EXOC6B: variants seen among roughly 807,000 people sequenced by gnomAD.
EXOC6B encodes exocyst complex component 6B.
EXOC6B carries 54 observed loss-of-function variants against 113.5 expected under a neutral mutation model. The observed-to-expected ratio is 0.48, with a 90% CI of 0.38 to 0.60. EXOC6B has a LOEUF of 0.60. Among genes scored for constraint, EXOC6B ranks in the 20% least tolerant of loss-of-function variants. The pLI is 0.00. For missense variants in EXOC6B, 797 were observed against 977.5 expected (o/e 0.82, Z 2.46); for synonymous variants, 357 against 339.0 (o/e 1.05, Z -0.58).
intron 20 of EXOC6B, chr2:72,289,142 A>G: frequency 4.1e-6 from 1 of 243,890 alleles, no homozygotes; most frequent in East Asian, 1.1e-4. Context: ...TACAAATAAA[A>G]TGGCTCATGG....
In EXOC6B at chr2:72,200,746, G is replaced by A. The variant is rs144392794; in HGVS notation, c.2197-16559C>T. 5.3e-5 allele frequency among the ~76,000 whole-genome samples: 8 copies of A among 152,256 alleles called. No individual in the cohort carries two copies. In the East Asian group the frequency reaches 1.5e-3, roughly 29 times the overall value. ...TATGATGCAATTTAATCAGCTAGAG[G>A]AGAACAAAAATCTTTGAGAATAGTA... On this transcript the variant is annotated intron_variant, in intron 20 of 21. Transcript: ENST00000272427.
intron 6 of EXOC6B, among the ~76,000 whole-genome samples, chr2:72,677,135 T>C (rs1676368666): frequency 6.6e-6 from 1 of 152,176 alleles, no homozygotes; most frequent in Non-Finnish European, 1.5e-5. Context: ...GATTCAGCCA[T>C]ACAGCCCAAA....
chr2:72,240,608 G>C (rs1328888756), intron 20 of EXOC6B, among the ~76,000 whole-genome samples: 1 of 152,174 alleles, frequency 6.6e-6, no homozygotes, highest in East Asian at 1.9e-4. Flanking sequence ...GGGTTCATTT[G>C]AGATGGACAA....
At position 72,202,241 on chromosome 2, in the gene EXOC6B, G is replaced by C. The variant is rs149843369; in HGVS notation, c.2197-18054C>G. Among the ~76,000 whole-genome samples the C allele has an allele frequency of 4.2e-3, 646 of 152,314 alleles. 4 individuals carry two copies. Among genetic ancestry groups the C allele is most frequent in the Middle Eastern group, 0.024 (7 of 294 alleles). ...GGATATGAGAGGAGACACAGTAAGT[G>C]AAAGCACTTGAAAACTTCATCTTGT... On this transcript the variant is annotated intron_variant, in intron 20 of 21. Transcript: ENST00000272427.
intron 20 of EXOC6B, among the ~76,000 whole-genome samples, chr2:72,189,860 C>CTTTCTTTT (rs1553462592): frequency 3.8e-4 from 33 of 87,212 alleles, no homozygotes; most frequent in African/African-American, 2.0e-3. Context: ...CCTTCTTCTT[C>CTTTCTTTT]TTTTTTTTTT....
intron 8 of EXOC6B, among the ~76,000 whole-genome samples, chr2:72,547,999 T>C (rs1703001933): frequency 6.6e-6 from 1 of 152,106 alleles, no homozygotes; most frequent in African/African-American, 2.4e-5. Flanking sequence ...CCATATAAAA[T>C]TTTTTAAATG....
chr2:72,257,811 G>T (rs1380164740), intron 20 of EXOC6B, among the ~76,000 whole-genome samples: 1 of 152,126 alleles, frequency 6.6e-6, no homozygotes, highest in African/African-American at 2.4e-5. Context: ...ACATAGCCAT[G>T]GGACAGTACG....
intron 18 of EXOC6B, among the ~76,000 whole-genome samples, chr2:72,421,923 A>T (rs969960707): frequency 3.0e-4 from 45 of 152,222 alleles, no homozygotes; most frequent in African/African-American, 1.1e-3. Flanking sequence ...CACTCAGAGC[A>T]GCCGGCCAGC....
intron 18 of EXOC6B, among the ~76,000 whole-genome samples, chr2:72,445,793 C>T (rs1696538915): frequency 6.6e-6 from 1 of 152,154 alleles, no homozygotes; most frequent in Admixed American, 6.5e-5. Flanking sequence ...GGTGGGGACA[C>T]AGCCAAACCA....
intron 1 of EXOC6B, among the ~76,000 whole-genome samples, chr2:72,783,115 A>G (rs1684154297): frequency 6.6e-6 from 1 of 151,836 alleles, no homozygotes; most frequent in Non-Finnish European, 1.5e-5. Flanking sequence ...TGACTGTACT[A>G]ACTTACATTC....
At chr2:72,536,239 T>C (rs1198052122) in intron 8 of EXOC6B, among the ~76,000 whole-genome samples, 2 of 152,200 alleles carry the variant, frequency 1.3e-5, no homozygotes, top group Admixed American at 1.3e-4. Context: ...CAAGTCAACA[T>C]TTTATATTTA....
At chr2:72,743,030 G>C (rs1482331399) in intron 1 of EXOC6B, among the ~76,000 whole-genome samples, 1 of 152,032 alleles carries the variant, frequency 6.6e-6, no homozygotes, top group African/African-American at 2.4e-5. Context: ...CACAGCTAAA[G>C]GCACACTATA....
intron 18 of EXOC6B, among the ~76,000 whole-genome samples, chr2:72,456,843 T>G (rs1292766146): frequency 1.3e-5 from 2 of 152,110 alleles, no homozygotes; most frequent in Non-Finnish European, 2.9e-5. Context: ...AAAATTTAAT[T>G]CGTGCCATTT....
chr2:72,473,747 T>C (rs1698551151), intron 17 of EXOC6B, among the ~76,000 whole-genome samples: 1 of 152,138 alleles, frequency 6.6e-6, no homozygotes, highest in East Asian at 1.9e-4. Context: ...TATTCTTTGT[T>C]CCTTTCCTTT....
intron 18 of EXOC6B, among the ~76,000 whole-genome samples, chr2:72,424,920 G>A (rs902512839): frequency 2.0e-5 from 3 of 152,016 alleles, no homozygotes; most frequent in Non-Finnish European, 4.4e-5. Flanking sequence ...TTCTTGTACA[G>A]ATTATTTCAT....
chr2:72,357,202 T>C (rs1215119554), intron 19 of EXOC6B, among the ~76,000 whole-genome samples: 1 of 152,242 alleles, frequency 6.6e-6, no homozygotes, highest in Non-Finnish European at 1.5e-5. Context: ...CATATTTATA[T>C]TACATAACAG....
chr2:72,519,208 G>A (rs1382260047), intron 8 of EXOC6B, among the ~76,000 whole-genome samples: 1 of 152,146 alleles, frequency 6.6e-6, no homozygotes, highest in Admixed American at 6.5e-5. Context: ...GTTTAAACAA[G>A]GCAATGCTCT....
At chr2:72,458,493 C>T (rs547389525) in intron 18 of EXOC6B, among the ~76,000 whole-genome samples, 5 of 152,130 alleles carry the variant, frequency 3.3e-5, no homozygotes, top group African/African-American at 1.2e-4. Flanking sequence ...AAAGTGTAGA[C>T]AAGACAGAAA....
intron 1 of EXOC6B, among the ~76,000 whole-genome samples, chr2:72,810,529 T>C (rs186277793): frequency 2.6e-4 from 40 of 151,804 alleles, no homozygotes; most frequent in African/African-American, 9.7e-4. Flanking sequence ...AAATCAATAA[T>C]CTATGCTCCT....
Sources: allele counts gnomAD v4.1 joint callset (sites outside exome capture counted in the v4.1 genomes callset), GRCh38; gene constraint gnomAD v4.1.1; transcripts MANE v1.5; gene names NCBI Gene and HGNC (gene_info 2026-07-23, HGNC 2026-07-21).